The following MYL1 variants were observed in gnomAD, a reference collection of about 807,000 sequenced individuals.
The protein encoded by MYL1 is myosin light chain 1/3, skeletal muscle isoform.
In MYL1, 16 loss-of-function variants were observed where a neutral mutation model predicts 21.8. That is an observed-to-expected ratio of 0.74 (90% CI 0.50 to 1.12). MYL1 has a LOEUF of 1.12. Ranked by LOEUF, MYL1 falls within the 50% of genes most tolerant of loss-of-function variation. The probability of loss-of-function intolerance (pLI) is 0.00; values close to 1 mark genes in which losing one functional copy is unlikely to be tolerated. For missense variants in MYL1, 246 were observed against 241.0 expected, an observed-to-expected ratio of 1.02 and a Z score of -0.14; for synonymous variants, 99 against 85.2, an observed-to-expected ratio of 1.16 and a Z score of -0.89.
intron 2 of MYL1, among the ~76,000 whole-genome samples, chr2:210,302,126 A>G (rs1690272783): frequency 6.6e-6 from 1 of 152,202 alleles, no homozygotes; most frequent in African/African-American, 2.4e-5. Context: ...CAGACTTGTC[A>G]AATCTCTCTT....
intron 1 of MYL1, among the ~76,000 whole-genome samples, chr2:210,312,986 CAT>C (rs772139762): frequency 4.6e-5 from 7 of 151,836 alleles, no homozygotes; most frequent in Non-Finnish European, 5.9e-5. Context: ...GTCAATTTAA[CAT>C]ATTGACAGAA....
In MYL1 at chr2:210,294,610, GCTTTTATTCCCAGT is replaced by G. The variant is rs1690144928; in HGVS notation, c.305-206_305-193del. Among the ~76,000 whole-genome samples, 3 of 152,260 alleles carry G rather than the reference GCTTTTATTCCCAGT, an allele frequency of 2.0e-5. No individual in the cohort carries two copies. In the South Asian group the frequency reaches 6.2e-4, roughly 31 times the overall value. ...TGAGGTCTGGAATTGCAGTTCCTGAGCTTTTATTCCCAGTCTACCATTTGCAACTCTGACAGTGC... is the reference window on the plus strand; with the variant it reads ...TGAGGTCTGGAATTGCAGTTCCTGAGCTACCATTTGCAACTCTGACAGTGC... On this transcript the variant is annotated intron_variant, in intron 3 of 6. Transcript: ENST00000352451.
rs2125738930 is a variant in MYL1, at chr2:210,294,330, G to A, written c.393C>T (p.Asp131=). Residue 131 remains aspartate (D), a synonymous_variant, in exon 4 of 7, where the codon GAC becomes GAT. Coordinates refer to ENST00000352451, the MANE Select transcript of MYL1 (RefSeq NM_079420.3). The stretch of plus-strand genomic sequence containing the variant: ...CAAAGACACGCAGACCCTCAACAAA[G>A]TCTTCATAGGTGGCCTGGTCCTTGT... The part of the protein sequence containing the change: ...SNNKDQATYE[D]FVEGLRVFDK... 6.2e-7 allele frequency: 1 copy of A among 1,614,028 alleles called. No individual in the cohort carries two copies. Among genetic ancestry groups the A allele is most frequent in the Middle Eastern group, 1.6e-4 (1 of 6,062 alleles).
At chr2:210,311,828 T>C (rs936843669) in intron 1 of MYL1, among the ~76,000 whole-genome samples, 5 of 152,036 alleles carry the variant, frequency 3.3e-5, no homozygotes, top group African/African-American at 4.8e-5. Flanking sequence ...GTATTAGCTC[T>C]CTGAAGGCAA....
intron 1 of MYL1, among the ~76,000 whole-genome samples, chr2:210,312,725 G>A (rs989249976): frequency 6.6e-6 from 1 of 151,466 alleles, no homozygotes; most frequent in African/African-American, 2.4e-5. Context: ...GAAGATAAAG[G>A]TTATTTTTTT....
chr2:210,308,540 A>G (rs1234039164), intron 1 of MYL1, among the ~76,000 whole-genome samples: 1 of 150,400 alleles, frequency 6.6e-6, no homozygotes, highest in South Asian at 2.1e-4. Flanking sequence ...AGGTGGTTAG[A>G]TTGCATAAAT....
At chr2:210,309,285 T>C (rs557206870) in intron 1 of MYL1, among the ~76,000 whole-genome samples, 3,024 of 152,184 alleles carry the variant, frequency 0.02, 46 homozygotes, top group Non-Finnish European at 0.027. Flanking sequence ...AAACAAAACA[T>C]AACTTCATAA....
chr2:210,303,559 G>T (rs1252383116), intron 1 of MYL1: 7 of 1,610,854 alleles, frequency 4.3e-6, no homozygotes, highest in Non-Finnish European at 5.9e-6. Flanking sequence ...GAGCGGCTGG[G>T]CTGCAACACA....
chr2:210,308,377 C>T (rs78340526), intron 1 of MYL1, among the ~76,000 whole-genome samples: 1 of 117,030 alleles, frequency 8.5e-6, no homozygotes, highest in East Asian at 2.4e-4. Flanking sequence ...TTTTTGACTT[C>T]AACATAGGAT....
intron 3 of MYL1, 42 bp from the exon 4 acceptor site, chr2:210,294,460 T>C: frequency 2.6e-6 from 4 of 1,553,874 alleles, no homozygotes; most frequent in Non-Finnish European, 3.5e-6. Context: ...GCTACCATAA[T>C]ACTAACTCTG....
At position 210,315,091 on chromosome 2, in the gene MYL1, G is replaced by C; in HGVS notation, c.-49C>G. On this transcript the variant is annotated 5_prime_UTR_variant, in exon 1 of 7. Transcript: ENST00000352451. ...AAAAAGAGAAGGAGTTCCTCCAAAA[G>C]AACCTGTCAAAATGATTCTTGGAAG... The C allele has an allele frequency of 1.9e-6, 3 of 1,582,090 alleles. No homozygotes were observed. Among genetic ancestry groups the C allele is most frequent in the Non-Finnish European group, 1.7e-6 (2 of 1,172,452 alleles).
At chr2:210,291,188 TC>T in intron 5 of MYL1, 114 bp from the exon 6 acceptor site, 1 of 819,136 alleles carries the variant, frequency 1.2e-6, no homozygotes, top group East Asian at 2.5e-5. Context: ...AACAATAGTT[TC>T]TTTTCTTTTG....
intron 3 of MYL1, among the ~76,000 whole-genome samples, chr2:210,296,279 T>C (rs1425756687): frequency 6.6e-6 from 1 of 152,190 alleles, no homozygotes; most frequent in African/African-American, 2.4e-5. Context: ...ACACTTATCA[T>C]TTCTTTGTAT....
chr2:210,296,518 G>A (rs1316681177), intron 3 of MYL1, among the ~76,000 whole-genome samples: 15 of 152,146 alleles, frequency 9.9e-5, no homozygotes, highest in Admixed American at 9.8e-4. Context: ...GGGCGCAGTG[G>A]CTCACGCTTA....
chr2:210,310,651 C>T (rs1328651594), intron 1 of MYL1, among the ~76,000 whole-genome samples: 1 of 151,974 alleles, frequency 6.6e-6, no homozygotes, highest in East Asian at 1.9e-4. Context: ...TTCTGCAGAA[C>T]AAAACACCCA....
intron 2 of MYL1, among the ~76,000 whole-genome samples, chr2:210,299,050 C>T (rs972975519): frequency 1.3e-5 from 2 of 152,070 alleles, no homozygotes; most frequent in African/African-American, 2.4e-5. Flanking sequence ...TCCCTTTAAC[C>T]AGCTTTCTCC....
rs1201467717 is a variant in MYL1 at position 210,290,407 on chromosome 2, G to T, written c.*75C>A. On this transcript the variant is annotated 3_prime_UTR_variant, in exon 7 of 7. Coordinates refer to ENST00000352451, the MANE Select transcript of MYL1 (RefSeq NM_079420.3). ...CTGAATGATGGTAAACAGATCTGGAGAGTTTGTCATGGGTGTGATTAAAAT... is the reference window on the plus strand; with the variant it reads ...CTGAATGATGGTAAACAGATCTGGATAGTTTGTCATGGGTGTGATTAAAAT... 1.3e-5 allele frequency: 2 copies of T among 152,212 alleles called. No homozygotes were observed. The highest frequency in any genetic ancestry group is 2.9e-5 in the Non-Finnish European group (2 of 68,046). The allele number at this position is 152,212 out of a possible 1,614,324, so 9.4% of individuals were successfully genotyped here. A position where few individuals can be genotyped will look rare whatever the true frequency, so the allele number is the denominator to read the frequency against.
At position 210,299,069 on chromosome 2, in the gene MYL1, CT is replaced by C. The variant is rs570373644; in HGVS notation, c.161-507del. Among the ~76,000 whole-genome samples, 58 of 152,220 alleles carry C rather than the reference CT, an allele frequency of 3.8e-4. No homozygotes were observed. In the East Asian group the frequency reaches 8.9e-3, roughly 23 times the overall value. ...TTTAACCAGCTTTCTCCAGGAATAA[CT>C]TTATTTTTCAGGAAAAATTTAGAAA... On this transcript the variant is annotated intron_variant, in intron 2 of 6. Transcript: ENST00000352451.
intron 1 of MYL1, chr2:210,303,000 G>A: frequency 1.7e-6 from 1 of 576,224 alleles, no homozygotes; most frequent in Non-Finnish European, 3.1e-6. Context: ...GCATCTTAAT[G>A]ATTTAACTAA....
Sources: gnomAD v4.1 joint callset for allele counts (sites outside exome capture counted in the v4.1 genomes callset) on GRCh38, gnomAD v4.1.1 for gene constraint, MANE v1.5 for transcripts, NCBI Gene and HGNC (gene_info 2026-07-23, HGNC 2026-07-21) for gene names.